The following MYO1D variants were observed in gnomAD, a reference collection of about 807,000 sequenced individuals.
MYO1D encodes unconventional myosin-Id.
In MYO1D, 83 loss-of-function variants were observed where a neutral mutation model predicts 122.0. The ratio of observed to expected loss-of-function variants is 0.68; its 90% CI spans 0.57 to 0.82. The LOEUF (loss-of-function observed/expected upper bound fraction) is 0.82, where lower values mean the gene tolerates loss of function less well. Ranked by LOEUF, MYO1D falls within the 40% of genes least tolerant of loss-of-function variation. The pLI, the probability that MYO1D is intolerant of heterozygous loss-of-function variation, is 0.00. For synonymous variants in MYO1D, 464 were observed against 446.9 expected, an observed-to-expected ratio of 1.04 and a Z score of -0.48; for missense variants, 1,157 against 1,269.5, an observed-to-expected ratio of 0.91 and a Z score of 1.35.
intron 21 of MYO1D, among the ~76,000 whole-genome samples, chr17:32,568,116 T>C (rs1168926432): frequency 2.0e-5 from 3 of 146,904 alleles, no homozygotes; most frequent in Non-Finnish European, 4.4e-5. Flanking sequence ...AAGTCCTTTT[T>C]CCCAAAAGAG....
intron 11 of MYO1D, among the ~76,000 whole-genome samples, chr17:32,750,845 G>A (rs1047692379): frequency 2.0e-5 from 3 of 152,110 alleles, no homozygotes; most frequent in Admixed American, 6.6e-5. Flanking sequence ...TTGTTCTGAG[G>A]ATTAAATGAA....
chr17:32,616,914 C>T (rs1039181910), intron 20 of MYO1D, among the ~76,000 whole-genome samples: 1 of 152,198 alleles, frequency 6.6e-6, no homozygotes, highest in African/African-American at 2.4e-5. Context: ...AGAAGTCCAA[C>T]TACCAGCCAG....
chr17:32,710,560 A>G (rs1261275088), intron 16 of MYO1D, among the ~76,000 whole-genome samples: 1 of 152,196 alleles, frequency 6.6e-6, no homozygotes, highest in Non-Finnish European at 1.5e-5. Context: ...ATTCCAAATC[A>G]CTAACTATAA....
rs908591079 is a variant in MYO1D, at chr17:32,694,632, C to A, written c.2121+17356G>T. Among the ~76,000 whole-genome samples, 7 of 131,076 alleles carry A rather than the reference C, an allele frequency of 5.3e-5. No homozygotes were observed. The South Asian group carries it at 1.3e-3, about 24-fold the overall frequency. The allele number at this position is 131,076 out of a possible 152,430, so 86.0% of individuals were successfully genotyped here. A position where few individuals can be genotyped will look rare whatever the true frequency, so the allele number is the denominator to read the frequency against. On this transcript the variant is annotated intron_variant, in intron 16 of 21. Transcript: ENST00000318217. ...AGGAGAATGGCGTGAACCCGGGAAG[C>A]GGAGCTTGCAGTGAGCCGAGATTGC... is the stretch of plus-strand genomic sequence containing the variant.
chr17:32,593,802 T>G (rs938356366), intron 21 of MYO1D, among the ~76,000 whole-genome samples: 1 of 151,990 alleles, frequency 6.6e-6, no homozygotes, highest in African/African-American at 2.4e-5. Context: ...CCGGGCGTGG[T>G]GGAGCATGCC....
intron 2 of MYO1D, 70 bp from the exon 3 acceptor site, chr17:32,778,643 T>A: frequency 7.4e-7 from 1 of 1,360,276 alleles, no homozygotes; most frequent in Non-Finnish European, 1.0e-6. Context: ...TTTAATAGAA[T>A]AATTTAAAAA....
intron 21 of MYO1D, among the ~76,000 whole-genome samples, chr17:32,562,069 C>A (rs1390646499): frequency 2.6e-5 from 4 of 151,932 alleles, no homozygotes; most frequent in Admixed American, 2.6e-4. Context: ...CAGCTCACTG[C>A]AGTCTTGGCC....
chr17:32,521,306 G>C (rs1223042267), intron 21 of MYO1D, among the ~76,000 whole-genome samples: 4 of 152,074 alleles, frequency 2.6e-5, no homozygotes, highest in African/African-American at 7.2e-5. Flanking sequence ...GGAAGAGAAG[G>C]CTCAAAAAAC....
intron 14 of MYO1D, among the ~76,000 whole-genome samples, chr17:32,733,380 T>C (rs750914149): frequency 1.3e-5 from 2 of 152,162 alleles, no homozygotes; most frequent in Admixed American, 6.5e-5. Flanking sequence ...AATTGTCAGT[T>C]TGAGGCTTTT....
intron 21 of MYO1D, among the ~76,000 whole-genome samples, chr17:32,524,665 C>A (rs187866226): frequency 3.3e-5 from 5 of 150,504 alleles, no homozygotes; most frequent in Non-Finnish European, 7.4e-5. Flanking sequence ...TGGGTTCAAG[C>A]GATTCTCCTG....
chr17:32,745,429 TA>T, intron 12 of MYO1D, 144 bp from the exon 13 acceptor site: 1 of 589,872 alleles, frequency 1.7e-6, no homozygotes, highest in Non-Finnish European at 3.1e-6. Context: ...TGTTCTGTAT[TA>T]AAGGATACCA....
At chr17:32,850,737 C>T (rs573041555) in intron 1 of MYO1D, among the ~76,000 whole-genome samples, 1 of 152,210 alleles carries the variant, frequency 6.6e-6, no homozygotes, top group East Asian at 1.9e-4. Flanking sequence ...CATATAAGGA[C>T]ATACCAAGTT....
Position 32,572,442 on chromosome 17 carries a change from T to C in MYO1D, c.2864+32645A>G, listed in dbSNP as rs115090572. Among the ~76,000 whole-genome samples the C allele has an allele frequency of 9.2e-3, 1,400 of 152,270 alleles. 28 individuals are homozygous for C. Among genetic ancestry groups the C allele is most frequent in the African/African-American group, 0.032 (1,343 of 41,528 alleles). On this transcript the variant is annotated intron_variant, in intron 21 of 21. Transcript: ENST00000318217. ...CTTTCGCCCACATAAGTCCTGTCAT[T>C]TCTACCTCCAAATATATTTCACCAT...
chr17:32,590,613 A>T (rs55722321), intron 21 of MYO1D, among the ~76,000 whole-genome samples: 24,871 of 152,222 alleles, frequency 0.16, 2,146 homozygotes, highest in Middle Eastern at 0.25. Context: ...ATGGTATAAA[A>T]ATAGAACAGT....
chr17:32,560,038 C>T (rs1344227880), intron 21 of MYO1D, among the ~76,000 whole-genome samples: 6 of 152,154 alleles, frequency 3.9e-5, no homozygotes, highest in Non-Finnish European at 7.4e-5. Context: ...GGGCAGATCA[C>T]GAGGTCAGGA....
At chr17:32,522,757 G>A (rs939822369) in intron 21 of MYO1D, among the ~76,000 whole-genome samples, 1 of 151,824 alleles carries the variant, frequency 6.6e-6, no homozygotes, top group Non-Finnish European at 1.5e-5. Context: ...AGTGCTGCCT[G>A]TGGACTCCAT....
rs372724317 is a variant in MYO1D at position 32,532,564 on chromosome 17, A to G, written c.2865-37649T>C. Reference sequence around the variant, plus strand: ...AACAAGGTGAAACCCCGTCTCTACTAAAAATACAAAAAATTAGCCGGGCGT... The same window carrying G: ...AACAAGGTGAAACCCCGTCTCTACTGAAAATACAAAAAATTAGCCGGGCGT... On this transcript the variant is annotated intron_variant, in intron 21 of 21. Coordinates refer to ENST00000318217, the MANE Select transcript of MYO1D (RefSeq NM_015194.3). Among the ~76,000 whole-genome samples, 709 of 152,148 alleles carry G rather than the reference A, an allele frequency of 4.7e-3. 12 individuals are homozygous for G. Among genetic ancestry groups the G allele is most frequent in the African/African-American group, 0.016 (677 of 41,522 alleles).
chr17:32,552,361 G>A (rs2087023246), intron 21 of MYO1D, among the ~76,000 whole-genome samples: 1 of 142,686 alleles, frequency 7.0e-6, no homozygotes, highest in Admixed American at 7.2e-5. Flanking sequence ...ACAGGCATGA[G>A]CCACAGCCTG....
At chr17:32,692,568 C>A (rs1009544869) in intron 16 of MYO1D, among the ~76,000 whole-genome samples, 1 of 152,134 alleles carries the variant, frequency 6.6e-6, no homozygotes, top group Non-Finnish European at 1.5e-5. Context: ...ACGGCTATTA[C>A]AATAAAATAT....
Sources: gnomAD v4.1 joint callset for allele counts (sites outside exome capture counted in the v4.1 genomes callset) on GRCh38, gnomAD v4.1.1 for gene constraint, MANE v1.5 for transcripts, NCBI Gene and HGNC (gene_info 2026-07-23, HGNC 2026-07-21) for gene names.